Variants in SEPTIN9 observed in about 807,000 individuals in gnomAD.
SEPTIN9 encodes the protein septin 9, also known as septin-9.
A neutral mutation model predicts 56.6 loss-of-function variants in SEPTIN9; 13 were observed. The observed-to-expected ratio is 0.23, with a 90% CI of 0.15 to 0.37. The LOEUF (loss-of-function observed/expected upper bound fraction) is 0.37, where lower values mean the gene tolerates loss of function less well. Among genes scored for constraint, SEPTIN9 ranks in the 10% least tolerant of loss-of-function variants. The pLI, the probability that SEPTIN9 is intolerant of heterozygous loss-of-function variation, is 1.00. For synonymous variants in SEPTIN9, 332 were observed against 334.1 expected, an observed-to-expected ratio of 0.99 and a Z score of 0.07; for missense variants, 650 against 823.1, an observed-to-expected ratio of 0.79 and a Z score of 2.57.
At chr17:77,308,483 C>T (rs529721782) in intron 2 of SEPTIN9, among the ~76,000 whole-genome samples, 146 of 152,382 alleles carry the variant, frequency 9.6e-4, no homozygotes, top group African/African-American at 3.3e-3. Flanking sequence ...ATCTGCACTC[C>T]GCCATCCTGT....
chr17:77,460,891 G>A (rs2038441911), intron 3 of SEPTIN9, among the ~76,000 whole-genome samples: 1 of 152,324 alleles, frequency 6.6e-6, no homozygotes, highest in South Asian at 2.1e-4. Flanking sequence ...CTGACTGGCT[G>A]TGTTTCTGTT....
chr17:77,416,513 G>A (rs981048152), intron 3 of SEPTIN9, among the ~76,000 whole-genome samples: 10 of 152,226 alleles, frequency 6.6e-5, no homozygotes, highest in Non-Finnish European at 1.3e-4. Flanking sequence ...CAGCAGGCAG[G>A]GAGAGGGACG....
intron 2 of SEPTIN9, among the ~76,000 whole-genome samples, chr17:77,351,006 G>C (rs548501803): frequency 6.9e-6 from 1 of 144,706 alleles, no homozygotes; most frequent in Middle Eastern, 3.4e-3. Flanking sequence ...GACCTGTGTG[G>C]TGTGTGCCTG....
At chr17:77,282,243 G>A (rs1028207193) in intron 1 of SEPTIN9, among the ~76,000 whole-genome samples, 2 of 152,158 alleles carry the variant, frequency 1.3e-5, no homozygotes, top group Admixed American at 1.3e-4. Context: ...TGGGCACACC[G>A]AGGCCACAAG....
At chr17:77,296,825 C>T (rs1432810325) in intron 1 of SEPTIN9, among the ~76,000 whole-genome samples, 1 of 151,756 alleles carries the variant, frequency 6.6e-6, no homozygotes, top group Non-Finnish European at 1.5e-5. Flanking sequence ...TGCACTCCAG[C>T]CTAGGCGACA....
chr17:77,395,343 C>T (rs187339721), intron 2 of SEPTIN9, among the ~76,000 whole-genome samples: 148 of 152,088 alleles, frequency 9.7e-4, no homozygotes, highest in East Asian at 3.9e-3. Flanking sequence ...CTGGCTAACA[C>T]GGTGAAATCG....
At chr17:77,431,674 A>G (rs2037137852) in intron 3 of SEPTIN9, among the ~76,000 whole-genome samples, 1 of 151,818 alleles carries the variant, frequency 6.6e-6, no homozygotes, top group South Asian at 2.1e-4. Flanking sequence ...ACAAAAAAAC[A>G]CAAAAATTAG....
At position 77,499,386 on chromosome 17, in the gene SEPTIN9, C is replaced by G; in HGVS notation, c.*728C>G. On this transcript the variant is annotated 3_prime_UTR_variant, in exon 12 of 12. Coordinates refer to ENST00000427177, the MANE Select transcript of SEPTIN9 (RefSeq NM_001113491.2). The stretch of plus-strand genomic sequence containing the variant: ...CCCTGCCATCCCCCTCTCACGCCAC[C>G]CCCGCCCCCACCGGGCTGCAGGTGC... The G allele has an allele frequency of 1.8e-6, 1 of 553,016 alleles. No individual in the cohort carries two copies. The highest frequency in any genetic ancestry group is 3.5e-6 in the Non-Finnish European group (1 of 286,116). The allele number at this position is 553,016 out of a possible 1,614,324, so 34.3% of individuals were successfully genotyped here.
At position 77,477,459 on chromosome 17, in the gene SEPTIN9, C is replaced by T. The variant is rs184055574; in HGVS notation, c.722-4685C>T. On this transcript the variant is annotated intron_variant, in intron 3 of 11. Coordinates refer to ENST00000427177, the MANE Select transcript of SEPTIN9 (RefSeq NM_001113491.2). Reference sequence around the variant, plus strand: ...TGTTTTCAGAGTTCATCTGTGTTGGCGCACGCTCGTGCCTTTTTATGGCTG... The same window carrying T: ...TGTTTTCAGAGTTCATCTGTGTTGGTGCACGCTCGTGCCTTTTTATGGCTG... Among the ~76,000 whole-genome samples the T allele has an allele frequency of 1.5e-3, 232 of 152,304 alleles. 2 individuals are homozygous for T. Among genetic ancestry groups the T allele is most frequent in the African/African-American group, 4.4e-3 (181 of 41,554 alleles).
chr17:77,459,737 C>T (rs569425318), intron 3 of SEPTIN9, among the ~76,000 whole-genome samples: 11 of 151,874 alleles, frequency 7.2e-5, no homozygotes, highest in African/African-American at 1.2e-4. Flanking sequence ...AATGGAGTCT[C>T]GCTGTGTCAG....
At chr17:77,414,463 T>C (rs2036421262) in intron 3 of SEPTIN9, among the ~76,000 whole-genome samples, 1 of 152,112 alleles carries the variant, frequency 6.6e-6, no homozygotes, top group African/African-American at 2.4e-5. Context: ...TTTTAGAAAA[T>C]TGAAAATTTG....
chr17:77,382,867 C>G (rs1339828252), intron 2 of SEPTIN9, among the ~76,000 whole-genome samples: 1 of 152,044 alleles, frequency 6.6e-6, no homozygotes. Flanking sequence ...CGGGGTCCCT[C>G]CCTAGCCCCG....
chr17:77,291,478 CA>C (rs956121801), intron 1 of SEPTIN9, among the ~76,000 whole-genome samples: 2 of 151,828 alleles, frequency 1.3e-5, no homozygotes, highest in Non-Finnish European at 2.9e-5. Flanking sequence ...ACTAAAACTA[CA>C]AAATTAGCTG....
chr17:77,392,640 G>C (rs962769924), intron 2 of SEPTIN9, among the ~76,000 whole-genome samples: 1 of 152,160 alleles, frequency 6.6e-6, no homozygotes, highest in Non-Finnish European at 1.5e-5. Context: ...GGAAGGCAGA[G>C]GGGGAGGGGA....
intron 2 of SEPTIN9, among the ~76,000 whole-genome samples, chr17:77,357,242 A>G (rs2143833818): frequency 6.6e-6 from 1 of 152,282 alleles, no homozygotes; most frequent in South Asian, 2.1e-4. Context: ...TTAAATCCCA[A>G]GAAGAAGAAC....
rs1464095745 is a variant in SEPTIN9 at position 77,429,447 on chromosome 17, A to T, written c.721+26744A>T. ...GCATTTGGGGAGGGACTGAGGGCTG[A>T]TTGTGTTGTGGGGATGTTGGCAGAG... On this transcript the variant is annotated intron_variant, in intron 3 of 11. Coordinates refer to ENST00000427177, the MANE Select transcript of SEPTIN9 (RefSeq NM_001113491.2). This position sits in a 1 kb window ranked among gnomAD's most constrained non-coding sequence, Gnocchi z 5.2. 1 of 383,636 alleles carries T rather than the reference A, an allele frequency of 2.6e-6. No homozygotes were observed. Among genetic ancestry groups the T allele is most frequent in the East Asian group, 7.4e-5 (1 of 13,566 alleles). The allele number at this position is 383,636 out of a possible 1,614,324, so 23.8% of individuals were successfully genotyped here. A position where few individuals can be genotyped will look rare whatever the true frequency, so the allele number is the denominator to read the frequency against.
At chr17:77,376,447 G>T (rs2034923347) in intron 2 of SEPTIN9, 8 of 969,068 alleles carry the variant, frequency 8.3e-6, no homozygotes, top group Non-Finnish European at 9.8e-6. Context: ...ACAGCGCTGG[G>T]ATGGTGGCCC....
chr17:77,413,246 CTT>C (rs1291143700), intron 3 of SEPTIN9, among the ~76,000 whole-genome samples: 1 of 152,096 alleles, frequency 6.6e-6, no homozygotes, highest in East Asian at 1.9e-4. Flanking sequence ...TCTGTTAAAA[CTT>C]TTCAAGAATT....
chr17:77,423,824 AG>A (rs1247737386), intron 3 of SEPTIN9, among the ~76,000 whole-genome samples: 1 of 152,182 alleles, frequency 6.6e-6, no homozygotes, highest in East Asian at 1.9e-4. Context: ...GTTGCAGAGT[AG>A]GGGAAGGTCA....
Sources: gnomAD v4.1 joint callset for allele counts (sites outside exome capture counted in the v4.1 genomes callset) on GRCh38, gnomAD v4.1.1 for gene constraint, Gnocchi (gnomAD v3.1) non-coding constraint, MANE v1.5 for transcripts, NCBI Gene and HGNC (gene_info 2026-07-23, HGNC 2026-07-21) for gene names.